SYNPO2: variants seen among roughly 807,000 people sequenced by gnomAD.
SYNPO2 encodes synaptopodin-2.
In SYNPO2, 56 loss-of-function variants were observed where a neutral mutation model predicts 85.0. The ratio of observed to expected loss-of-function variants is 0.66; its 90% CI spans 0.53 to 0.82. The LOEUF (loss-of-function observed/expected upper bound fraction) is 0.82. SYNPO2 is among the 40% of genes least tolerant of loss of function. The pLI, the probability that SYNPO2 is intolerant of heterozygous loss-of-function variation, is 0.00. For missense variants in SYNPO2, 1,575 were observed against 1,534.2 expected, an observed-to-expected ratio of 1.03 and a Z score of -0.44; for synonymous variants, 602 against 591.1, an observed-to-expected ratio of 1.02 and a Z score of -0.27.
chr4:118,954,475 A>G (rs1734802371), intron 1 of SYNPO2, among the ~76,000 whole-genome samples: 1 of 152,164 alleles, frequency 6.6e-6, no homozygotes. Flanking sequence ...ATGTGAAACG[A>G]TGTTCAACCA....
intron 1 of SYNPO2, among the ~76,000 whole-genome samples, chr4:118,905,896 G>A (rs1295825284): frequency 6.6e-6 from 1 of 152,162 alleles, no homozygotes; most frequent in African/African-American, 2.4e-5. Flanking sequence ...TTTTGATATA[G>A]CTAATGTTAT....
intron 4 of SYNPO2, among the ~76,000 whole-genome samples, chr4:119,038,884 AT>A (rs1446094287): frequency 9.0e-6 from 1 of 110,888 alleles, no homozygotes; most frequent in South Asian, 3.4e-4. Context: ...TAAACCTTAC[AT>A]TTTTTCCAGT....
chr4:118,976,962 A>C (rs186194347), intron 1 of SYNPO2, among the ~76,000 whole-genome samples: 2,998 of 152,350 alleles, frequency 0.02, 94 homozygotes, highest in African/African-American at 0.069. Context: ...CGTCCCCACC[A>C]GACTCAGGAA....
intron 1 of SYNPO2, among the ~76,000 whole-genome samples, chr4:118,980,766 G>T (rs925087183): frequency 1.3e-5 from 2 of 152,170 alleles, no homozygotes; most frequent in Admixed American, 1.3e-4. Flanking sequence ...AAGTGAACCT[G>T]GTTTAGTTAA....
chr4:119,027,036 A>G lies in SYNPO2; in HGVS notation c.667A>G (p.Lys223Glu). ...GPLVALPGAEKSKSPDPDPNL... is the reference protein window; with the variant it reads ...GPLVALPGAEESKSPDPDPNL... ...TTTAGTGGCTCTCCCGGGAGCTGAA[A>G]AATCTAAGTCTCCTGACCCAGACCC... The change falls in exon 3 of 5, where the codon AAA becomes GAA. Residue 223 changes from lysine to glutamate, a missense_variant. Coordinates refer to ENST00000307142, the MANE Select transcript of SYNPO2 (RefSeq NM_133477.3). 6.2e-7 allele frequency: 1 copy of G among 1,614,114 alleles called. No individual in the cohort carries two copies. Among genetic ancestry groups the G allele is most frequent in the South Asian group, 1.1e-5 (1 of 91,068 alleles).
chr4:119,025,689 T>C (rs999959831), intron 2 of SYNPO2, among the ~76,000 whole-genome samples: 1 of 152,156 alleles, frequency 6.6e-6, no homozygotes, highest in Non-Finnish European at 1.5e-5. Context: ...AAGATAATTA[T>C]GCTGCTTCCA....
chr4:119,045,496 T>A (rs551110960), intron 4 of SYNPO2, among the ~76,000 whole-genome samples: 2 of 152,320 alleles, frequency 1.3e-5, no homozygotes, highest in South Asian at 4.1e-4. Flanking sequence ...AAAAGATTGT[T>A]TATTTTAAAC....
At chr4:118,886,785 T>A (rs1732206080), upstream of SYNPO2, among the ~76,000 whole-genome samples, 2 of 152,102 alleles carry the variant, frequency 1.3e-5, no homozygotes, top group Non-Finnish European at 2.9e-5. Flanking sequence ...CTGAAAAGAA[T>A]CAAACTTGGG....
intron 1 of SYNPO2, among the ~76,000 whole-genome samples, chr4:118,900,721 A>ATGTCTGTCTGTC: frequency 8.4e-6 from 1 of 118,844 alleles, no homozygotes; most frequent in East Asian, 2.5e-4. Flanking sequence ...ATATATATAT[A>ATGTCTGTCTGTC]TATATATATA....
intron 1 of SYNPO2, among the ~76,000 whole-genome samples, chr4:118,989,477 A>G (rs943174717): frequency 1.3e-5 from 2 of 152,230 alleles, no homozygotes; most frequent in Admixed American, 1.3e-4. Context: ...TCTCCCTAGC[A>G]AGCCTGAGGG....
At chr4:118,921,017 TC>T (rs1733513116) in intron 1 of SYNPO2, among the ~76,000 whole-genome samples, 1 of 152,032 alleles carries the variant, frequency 6.6e-6, no homozygotes, top group Non-Finnish European at 1.5e-5. Flanking sequence ...TGATCCTCCC[TC>T]CTCAGCTTCC....
At chr4:118,876,630 TCTTTCTTC>T (rs1560812428) in intron 1 of SYNPO2, among the ~76,000 whole-genome samples, 1 of 151,152 alleles carries the variant, frequency 6.6e-6, no homozygotes, top group East Asian at 1.9e-4. Flanking sequence ...TTTTCTCTTT[TCTTTCTTC>T]CTTCCTTTCT....
At chr4:118,973,060 T>C (rs1318674645) in intron 1 of SYNPO2, among the ~76,000 whole-genome samples, 1 of 152,190 alleles carries the variant, frequency 6.6e-6, no homozygotes, top group African/African-American at 2.4e-5. Flanking sequence ...TTATGGTATT[T>C]TTTGATTTAT....
chr4:119,017,822 G>A lies in SYNPO2; in HGVS notation c.106-5608G>A, dbSNP rs151319215. On this transcript the variant is annotated intron_variant, in intron 1 of 4. Coordinates refer to ENST00000307142, the MANE Select transcript of SYNPO2 (RefSeq NM_133477.3). ...TTATACATGAAAATGCAGCTCCTGAGACAAAATTTAGTTCTGACAGCAAGC... is the reference window on the plus strand; with the variant it reads ...TTATACATGAAAATGCAGCTCCTGAAACAAAATTTAGTTCTGACAGCAAGC... Among the ~76,000 whole-genome samples the A allele has an allele frequency of 8.0e-3, 1,217 of 152,204 alleles. 13 individuals carry two copies. Among genetic ancestry groups the A allele is most frequent in the African/African-American group, 0.028 (1,161 of 41,524 alleles).
intron 4 of SYNPO2, among the ~76,000 whole-genome samples, chr4:119,049,774 T>C (rs1458526647): frequency 6.6e-6 from 1 of 152,198 alleles, no homozygotes; most frequent in Non-Finnish European, 1.5e-5. Context: ...ATGGTTTATG[T>C]TAAGCTGAGA....
At chr4:118,941,184 C>T (rs1329066715) in intron 1 of SYNPO2, among the ~76,000 whole-genome samples, 1 of 152,192 alleles carries the variant, frequency 6.6e-6, no homozygotes, top group Non-Finnish European at 1.5e-5. Context: ...CCAGACAAAT[C>T]TAGTCAGGTT....
In SYNPO2 at chr4:119,030,041, C is replaced by T. The variant is rs373389205; in HGVS notation, c.1266C>T (p.Asp422=). The change falls in exon 4 of 5, where the codon GAC becomes GAT. Residue 422 remains aspartate, a synonymous_variant. Transcript: ENST00000307142. ...YGTGELEREA[D]EEEEGDKEDT... ...CTGGCGAGCTTGAGCGAGAGGCGGA[C>T]GAGGAGGAAGAAGGTGACAAGGAGG... 1.1e-5 allele frequency: 17 copies of T among 1,613,798 alleles called. No individual in the cohort carries two copies. Among genetic ancestry groups the T allele is most frequent in the Non-Finnish European group, 1.4e-5 (17 of 1,179,946 alleles).
intron 1 of SYNPO2, among the ~76,000 whole-genome samples, chr4:118,962,686 G>C (rs1038001528): frequency 6.6e-6 from 1 of 152,130 alleles, no homozygotes; most frequent in Non-Finnish European, 1.5e-5. Flanking sequence ...AAATCAGCTA[G>C]GGAGATTGGC....
At chr4:118,863,298 T>G (rs936214348) in intron 1 of SYNPO2, among the ~76,000 whole-genome samples, 1 of 152,222 alleles carries the variant, frequency 6.6e-6, no homozygotes, top group African/African-American at 2.4e-5. Flanking sequence ...ATCTTTTGTT[T>G]GCTGGAGGAC....
Sources: gnomAD v4.1 joint callset for allele counts (sites outside exome capture counted in the v4.1 genomes callset) on GRCh38, gnomAD v4.1.1 for gene constraint, MANE v1.5 for transcripts, NCBI Gene and HGNC (gene_info 2026-07-23, HGNC 2026-07-21) for gene names.